Variants in ZNF292 observed in about 807,000 individuals in gnomAD.
The protein encoded by ZNF292 is 16 zinc-finger domain protein.
ZNF292 carries 26 observed loss-of-function variants against 217.9 expected under a neutral mutation model. That is an observed-to-expected ratio of 0.12 (90% confidence interval 0.09 to 0.17). The LOEUF (loss-of-function observed/expected upper bound fraction) is 0.17. Ranked by LOEUF, ZNF292 falls within the 10% of genes least tolerant of loss-of-function variation. The pLI is 1.00. For synonymous variants in ZNF292, 1,257 were observed against 1,124.1 expected (o/e 1.12, Z -2.37); for missense variants, 2,904 against 3,175.2 (o/e 0.91, Z 2.05).
Position 87,261,800 on chromosome 6 carries a change from G to T in ZNF292, c.8171G>T (p.Ter2724LeuextTer1). 1 of 1,580,988 alleles carries T rather than the reference G, an allele frequency of 6.3e-7. No homozygotes were observed. Among genetic ancestry groups the T allele is most frequent in the Non-Finnish European group, 8.6e-7 (1 of 1,160,468 alleles). ...AAAGCCACAGGCAGAGGTCAGTACTGATAATTAATGTAGTATAAATACATC... is the reference window on the plus strand; with the variant it reads ...AAAGCCACAGGCAGAGGTCAGTACTTATAATTAATGTAGTATAAATACATC... The part of the protein sequence containing the change: ...IGKATGRGQY[*>L] The change falls in exon 8 of 8, where the codon TGA (stop) becomes TTA (leucine). Residue 2724 changes from the stop codon to leucine, a stop_lost. Coordinates refer to ENST00000369577, the MANE Select transcript of ZNF292 (RefSeq NM_015021.3).
rs148356953 is a variant in ZNF292, at chr6:87,233,629, C to A, written c.741+102C>A. 1,898 of 1,483,060 alleles carry A rather than the reference C, an allele frequency of 1.3e-3. 11 individuals carry two copies. The African/African-American group carries it at 0.024, about 19-fold the overall frequency. The allele number at this position is 1,483,060 out of a possible 1,614,324, so 91.9% of individuals were successfully genotyped here. A position where few individuals can be genotyped will look rare whatever the true frequency, so the allele number is the denominator to read the frequency against. ...CTTTTCTCTTAGATAGCGAAGAGAT[C>A]ATTGTCAATCTTACATTTTTGGTAT... On this transcript the variant is annotated intron_variant, in intron 5 of 7. Transcript: ENST00000369577.
rs758206374 is a variant in ZNF292, at chr6:87,255,217, A to G, written c.1588A>G (p.Ile530Val). 7.4e-6 allele frequency: 12 copies of G among 1,613,846 alleles called. No individual in the cohort carries two copies. The highest frequency in any genetic ancestry group is 9.3e-6 in the Non-Finnish European group (11 of 1,179,822). ...AAAACAGTTAAGAGAGAGGGGATTTATATCTGCTCGGTTTAGGAATTGGCA... is the reference window on the plus strand; with the variant it reads ...AAAACAGTTAAGAGAGAGGGGATTTGTATCTGCTCGGTTTAGGAATTGGCA... ...EIKQLRERGF[I>V]SARFRNWQAY... Residue 530 changes from isoleucine to valine, a missense_variant, in exon 8 of 8, where the codon ATA (isoleucine) becomes GTA (valine). By Grantham distance (29) the Ile-to-Val change is conservative. This residue lies in a region of ZNF292 where 87 missense variants were observed against 99.6 expected (regional missense o/e 0.87). Coordinates refer to ENST00000369577, the MANE Select transcript of ZNF292 (RefSeq NM_015021.3).
intron 7 of ZNF292, among the ~76,000 whole-genome samples, chr6:87,252,009 C>G (rs762211230): frequency 1.3e-5 from 2 of 152,124 alleles, no homozygotes; most frequent in South Asian, 4.1e-4. Flanking sequence ...AAGTAGAATT[C>G]TTTAATCAGC....
At chr6:87,236,118 C>T (rs566521403) in intron 5 of ZNF292, among the ~76,000 whole-genome samples, 1 of 152,328 alleles carries the variant, frequency 6.6e-6, no homozygotes, top group African/African-American at 2.4e-5. Flanking sequence ...GAGGTGTGCA[C>T]CATGTGCTCT....
At chr6:87,225,590 C>A (rs768184252) in intron 4 of ZNF292, among the ~76,000 whole-genome samples, 1 of 152,128 alleles carries the variant, frequency 6.6e-6, no homozygotes. Flanking sequence ...TTGGCTCTTA[C>A]TAGTCTCACT....
intron 1 of ZNF292, among the ~76,000 whole-genome samples, chr6:87,168,837 C>T (rs556596191): frequency 6.6e-6 from 1 of 152,076 alleles, no homozygotes; most frequent in East Asian, 1.9e-4. Flanking sequence ...CCTCGGTATT[C>T]GTAGAGAATT....
chr6:87,207,795 A>G (rs1282795674), intron 1 of ZNF292, among the ~76,000 whole-genome samples: 1 of 152,104 alleles, frequency 6.6e-6, no homozygotes. Context: ...TTATCTATCA[A>G]TTTCATCTTG....
intron 1 of ZNF292, chr6:87,169,619 A>G (rs1248239959): frequency 2.7e-6 from 1 of 373,940 alleles, no homozygotes; most frequent in Non-Finnish European, 5.6e-6. Context: ...GCTACTTTTA[A>G]AAGATGAGCC....
chr6:87,158,103 A>T (rs1770605888), intron 1 of ZNF292, among the ~76,000 whole-genome samples: 1 of 152,262 alleles, frequency 6.6e-6, no homozygotes, highest in South Asian at 2.1e-4. Flanking sequence ...TAGTCTTGCC[A>T]CATAAATTGT....
intron 1 of ZNF292, among the ~76,000 whole-genome samples, chr6:87,175,574 G>T (rs1366712824): frequency 6.6e-6 from 1 of 152,124 alleles, no homozygotes; most frequent in Non-Finnish European, 1.5e-5. Context: ...CCTGGCCTCA[G>T]GCGATCCTCC....
chr6:87,200,492 G>A (rs945048184), intron 1 of ZNF292, among the ~76,000 whole-genome samples: 1 of 152,134 alleles, frequency 6.6e-6, no homozygotes, highest in Non-Finnish European at 1.5e-5. Context: ...TCCCATTAAA[G>A]TCAGGTTTCT....
At chr6:87,164,040 G>A (rs749715213) in intron 1 of ZNF292, among the ~76,000 whole-genome samples, 11 of 152,082 alleles carry the variant, frequency 7.2e-5, no homozygotes, top group Non-Finnish European at 1.5e-4. Flanking sequence ...CGCCCACCTC[G>A]CCCCGCCAAG....
At position 87,260,335 on chromosome 6, in the gene ZNF292, C is replaced by A; in HGVS notation, c.6706C>A (p.His2236Asn). Residue 2236 changes from histidine to asparagine, a missense_variant, in exon 8 of 8, where the codon CAT (histidine) becomes AAT (asparagine). His to Asn is a moderately conservative substitution (Grantham distance 68). This residue lies in a region of ZNF292 where 55 missense variants were observed against 99.8 expected (regional missense o/e 0.55). Coordinates refer to ENST00000369577, the MANE Select transcript of ZNF292 (RefSeq NM_015021.3). ...TACTACATATTTGAACTATGTTGTT[C>A]ATCTAGAGGCAGACCACGGGATTGG... ...SFTTYLNYVV[H>N]LEADHGIGLR... 1 of 1,613,216 alleles carries A rather than the reference C, an allele frequency of 6.2e-7. No homozygotes were observed. The highest frequency in any genetic ancestry group is 1.1e-5 in the South Asian group (1 of 91,050).
chr6:87,261,255 TAAA>T lies in ZNF292; in HGVS notation c.7631_7633del (p.Lys2544del). 1 of 1,609,518 alleles carries T rather than the reference TAAA, an allele frequency of 6.2e-7. No individual in the cohort carries two copies. Among genetic ancestry groups the T allele is most frequent in the African/African-American group, 1.3e-5 (1 of 74,438 alleles). The stretch of plus-strand genomic sequence containing the variant: ...ATAAGGAAAAAAATGTCTCACAAAA[TAAA>T]AAAAGGAAAGTTGAAAAAGCTGAAC... On this transcript the variant is annotated inframe_deletion, in exon 8 of 8. Coordinates refer to ENST00000369577, the MANE Select transcript of ZNF292 (RefSeq NM_015021.3).
At chr6:87,211,196 G>A (rs1481501214) in intron 1 of ZNF292, among the ~76,000 whole-genome samples, 13 of 152,058 alleles carry the variant, frequency 8.5e-5, no homozygotes, top group Admixed American at 8.5e-4. Flanking sequence ...CCTGTCTCAG[G>A]AGGCCAACTT....
At chr6:87,168,801 T>C (rs1770997296) in intron 1 of ZNF292, among the ~76,000 whole-genome samples, 1 of 152,080 alleles carries the variant, frequency 6.6e-6, no homozygotes. Context: ...AAAGAGGTAA[T>C]TAAATTTAAA....
chr6:87,249,568 A>G (rs1231362777), intron 7 of ZNF292: 1 of 160,322 alleles, frequency 6.2e-6, no homozygotes, highest in African/African-American at 2.4e-5. Context: ...TTTATCTTAA[A>G]ACTAGAATCA....
intron 1 of ZNF292, among the ~76,000 whole-genome samples, chr6:87,200,164 A>G (rs892156216): frequency 2.6e-5 from 4 of 152,238 alleles, no homozygotes; most frequent in Admixed American, 6.5e-5. Context: ...GACCTCCCAC[A>G]TGATATTTAG....
chr6:87,228,808 C>A (rs80181055), intron 4 of ZNF292, among the ~76,000 whole-genome samples: 1,594 of 152,272 alleles, frequency 0.01, 29 homozygotes, highest in African/African-American at 0.035. Flanking sequence ...ATGCCAGTAT[C>A]ATCAGTGTTT....
Sources: allele counts gnomAD v4.1 joint callset (sites outside exome capture counted in the v4.1 genomes callset), GRCh38; gene constraint gnomAD v4.1.1; regional missense constraint gnomAD v4.1.1; transcripts MANE v1.5; gene names NCBI Gene and HGNC (gene_info 2026-07-23, HGNC 2026-07-21).